KATNIP: variants seen among roughly 807,000 people sequenced by gnomAD.
The protein encoded by KATNIP is katanin-interacting protein.
A neutral mutation model predicts 174.0 loss-of-function variants in KATNIP; 126 were observed. That is an observed-to-expected ratio of 0.72 (90% confidence interval 0.63 to 0.84). KATNIP has a LOEUF of 0.84. Among genes scored for constraint, KATNIP ranks in the 40% least tolerant of loss-of-function variants. The pLI is 0.00. For missense variants in KATNIP, 1,958 were observed against 2,109.7 expected (o/e 0.93, Z 1.41); for synonymous variants, 810 against 835.7 (o/e 0.97, Z 0.53).
At chr16:27,649,854 G>A (rs1402187730) in intron 6 of KATNIP, among the ~76,000 whole-genome samples, 4 of 152,212 alleles carry the variant, frequency 2.6e-5, no homozygotes, top group Non-Finnish European at 5.9e-5. Flanking sequence ...TTTCCAGCAT[G>A]ACATTTCAGT....
chr16:27,729,531 T>C (rs1353163457), intron 14 of KATNIP, among the ~76,000 whole-genome samples: 2 of 152,216 alleles, frequency 1.3e-5, no homozygotes, highest in Non-Finnish European at 2.9e-5. Context: ...CCTTTTTCTT[T>C]TTCTCTTAGA....
intron 2 of KATNIP, among the ~76,000 whole-genome samples, chr16:27,576,738 A>G (rs542045500): frequency 2.6e-5 from 4 of 152,042 alleles, no homozygotes; most frequent in African/African-American, 9.7e-5. Context: ...TCTGCATCCT[A>G]TGCCCTCTCT....
chr16:27,612,417 G>T (rs141735724), intron 2 of KATNIP, among the ~76,000 whole-genome samples: 21 of 152,260 alleles, frequency 1.4e-4, no homozygotes, highest in East Asian at 1.9e-4. Flanking sequence ...CTAGGGCCTT[G>T]CTACCCAAAG....
At chr16:27,760,662 C>T (rs533590921) in intron 18 of KATNIP, among the ~76,000 whole-genome samples, 2 of 152,228 alleles carry the variant, frequency 1.3e-5, no homozygotes, top group African/African-American at 4.8e-5. Flanking sequence ...TACTGAGCTC[C>T]TACTGTGTGC....
chr16:27,684,344 G>T (rs996763531), intron 8 of KATNIP, among the ~76,000 whole-genome samples: 2 of 152,084 alleles, frequency 1.3e-5, no homozygotes, highest in African/African-American at 4.8e-5. Context: ...TCCACTATAA[G>T]CCCCTCTTGT....
Position 27,773,143 on chromosome 16 carries a change from T to C in KATNIP, c.4243T>C (p.Tyr1415His), listed in dbSNP as rs1734409657. Residue 1415 changes from tyrosine (Y) to histidine (H), a missense_variant, in exon 23 of 28, where the codon TAC (tyrosine) becomes CAC (histidine). Transcript: ENST00000261588. ...TCTCACCAGCTGGGGCGACCCCTAC[T>C]ACATCGGCCTCACCGGCCTGGAGCT... ...QLLTSWGDPY[Y>H]IGLTGLELYD... 6.2e-7 allele frequency: 1 copy of C among 1,612,650 alleles called. No individual in the cohort carries two copies. Among genetic ancestry groups the C allele is most frequent in the African/African-American group, 1.3e-5 (1 of 74,856 alleles).
chr16:27,580,699 ATT>A lies in KATNIP; in HGVS notation c.63+6760_63+6761del, dbSNP rs5816440. On this transcript the variant is annotated intron_variant, in intron 2 of 27. Transcript: ENST00000261588. ...TGCAATACACATTGTTTTCTTCTTG[ATT>A]TTTTTTTTTTTTTTTTCATTTAACA... is the stretch of plus-strand genomic sequence containing the variant. Among the ~76,000 whole-genome samples, 807 of 132,290 alleles carry A rather than the reference ATT, an allele frequency of 6.1e-3. 1 individual carries two copies. Among genetic ancestry groups the A allele is most frequent in the East Asian group, 9.1e-3 (41 of 4,516 alleles). 86.8% of individuals were successfully genotyped at this position (132,290 alleles called of 152,430 possible).
At chr16:27,697,716 A>C (rs2078963921) in intron 8 of KATNIP, among the ~76,000 whole-genome samples, 1 of 152,112 alleles carries the variant, frequency 6.6e-6, no homozygotes, top group Non-Finnish European at 1.5e-5. Context: ...ATTGATCGAT[A>C]GAGGGTGTGT....
intron 15 of KATNIP, among the ~76,000 whole-genome samples, chr16:27,748,169 C>T (rs1235932192): frequency 1.3e-5 from 2 of 152,190 alleles, no homozygotes; most frequent in Non-Finnish European, 2.9e-5. Flanking sequence ...CCATAAGGAG[C>T]GTGGGGCCTT....
intron 11 of KATNIP, among the ~76,000 whole-genome samples, chr16:27,703,695 G>A (rs931328236): frequency 2.0e-5 from 3 of 152,298 alleles, no homozygotes; most frequent in Admixed American, 1.3e-4. Context: ...CCCCAGCTGG[G>A]CTCTGATTCC....
chr16:27,645,212 T>C (rs1318634874), intron 5 of KATNIP, among the ~76,000 whole-genome samples: 1 of 152,198 alleles, frequency 6.6e-6, no homozygotes, highest in African/African-American at 2.4e-5. Context: ...TGATGCCGTG[T>C]AAATAGGTAC....
chr16:27,735,612 C>T (rs555089858), intron 14 of KATNIP, among the ~76,000 whole-genome samples: 1 of 152,306 alleles, frequency 6.6e-6, no homozygotes, highest in South Asian at 2.1e-4. Context: ...CTTTGAGAAT[C>T]GACTTTTCTG....
At chr16:27,723,398 T>G (rs2080315362) in intron 14 of KATNIP, among the ~76,000 whole-genome samples, 1 of 149,838 alleles carries the variant, frequency 6.7e-6, no homozygotes, top group Admixed American at 6.6e-5. Flanking sequence ...CCCATCTCAC[T>G]CAACTCAGAA....
chr16:27,614,326 ATTT>A (rs1023529868), intron 2 of KATNIP, among the ~76,000 whole-genome samples: 1 of 151,718 alleles, frequency 6.6e-6, no homozygotes, highest in Non-Finnish European at 1.5e-5. Context: ...CGCCCAGCTA[ATTT>A]TTTGTATTTT....
At chr16:27,587,826 C>G (rs2090956386) in intron 2 of KATNIP, among the ~76,000 whole-genome samples, 1 of 151,920 alleles carries the variant, frequency 6.6e-6, no homozygotes, top group African/African-American at 2.4e-5. Flanking sequence ...GTTGAAAAAT[C>G]CTAAGATGAT....
chr16:27,578,690 GC>G (rs1446400914), intron 2 of KATNIP, among the ~76,000 whole-genome samples: 1 of 152,130 alleles, frequency 6.6e-6, no homozygotes, highest in African/African-American at 2.4e-5. Flanking sequence ...TGATCCTTCT[GC>G]CTCAGCTTCC....
chr16:27,753,491 T>C (rs1021738174), intron 17 of KATNIP, among the ~76,000 whole-genome samples: 33 of 152,284 alleles, frequency 2.2e-4, no homozygotes, highest in Admixed American at 5.2e-4. Context: ...CCTTCACTTA[T>C]GGTGCAAAGA....
intron 14 of KATNIP, among the ~76,000 whole-genome samples, chr16:27,728,744 A>T (rs944294061): frequency 1.3e-5 from 2 of 152,176 alleles, no homozygotes; most frequent in African/African-American, 4.8e-5. Context: ...TTCAGCCTTT[A>T]AAGAGAGCAG....
At chr16:27,671,957 G>A (rs1338295529) in intron 6 of KATNIP, among the ~76,000 whole-genome samples, 1 of 152,200 alleles carries the variant, frequency 6.6e-6, no homozygotes, top group Non-Finnish European at 1.5e-5. Flanking sequence ...TTGGGAAGCT[G>A]AGGCAGGAGA....
Sources: allele counts gnomAD v4.1 joint callset (sites outside exome capture counted in the v4.1 genomes callset), GRCh38; gene constraint gnomAD v4.1.1; transcripts MANE v1.5; gene names NCBI Gene and HGNC (gene_info 2026-07-23, HGNC 2026-07-21).